TBC1D3: variants seen among roughly 807,000 people sequenced by gnomAD.
The protein encoded by TBC1D3 is Rab GTPase-activating protein PRC17.
intron 1 of TBC1D3, among the ~76,000 whole-genome samples, chr17:38,191,790 G>A (rs2036240690): frequency 4.3e-5 from 1 of 23,466 alleles, no homozygotes; most frequent in Non-Finnish European, 4.3e-4. Flanking sequence ...AAAGGAGGGC[G>A]AGGCCTCAAG....
At chr17:38,183,823 TG>T (rs1438268008) in intron 12 of TBC1D3, 147 bp from the exon 13 acceptor site, 1 of 370,932 alleles carries the variant, frequency 2.7e-6, no homozygotes, top group Non-Finnish European at 4.8e-6. Flanking sequence ...AGACTGTGGC[TG>T]GGGGGCGATC....
chr17:38,191,919 GCCCAAGGGCAGCAGGCTC>G (rs1374806223), intron 1 of TBC1D3, among the ~76,000 whole-genome samples: 1,829 of 35,326 alleles, frequency 0.052, 25 homozygotes, highest in Middle Eastern at 0.15. Flanking sequence ...TTCCACAGCT[GCCCAAGGGCAGCAGGCTC>G]CCCCGGACAA....
chr17:38,191,740 A>G (rs1295982293), intron 1 of TBC1D3, among the ~76,000 whole-genome samples: 28 of 17,252 alleles, frequency 1.6e-3, no homozygotes, highest in African/African-American at 2.0e-3. Context: ...GTCCTGGAGA[A>G]CAGCTGGATG....
chr17:38,186,786 C>T (rs1237415203), intron 7 of TBC1D3, among the ~76,000 whole-genome samples: 2 of 35,696 alleles, frequency 5.6e-5, no homozygotes, highest in African/African-American at 1.6e-4. Flanking sequence ...TGTACAGTGA[C>T]TTGCCTGATC....
chr17:38,183,832 AT>A (rs2036217439), intron 12 of TBC1D3, among the ~76,000 whole-genome samples, 156 bp from the exon 13 acceptor site: 7 of 20,464 alleles, frequency 3.4e-4, no homozygotes, highest in African/African-American at 5.8e-4. Flanking sequence ...CTGGGGGGCG[AT>A]CCGGACAGGG....
intron 7 of TBC1D3, among the ~76,000 whole-genome samples, chr17:38,186,781 A>G (rs2036227790): frequency 2.9e-5 from 1 of 34,812 alleles, no homozygotes; most frequent in African/African-American, 8.0e-5. Context: ...CCAGTTGTAC[A>G]GTGACTTGCC....
Position 38,191,987 on chromosome 17 carries a change from G to C in TBC1D3, c.-2+458C>G, listed in dbSNP as rs1457696865. ...TCAGTGGGGCCCACAGCGACCATCA[G>C]GACCCAGCTTAGGGCACAGAGGTGT... On this transcript the variant is annotated intron_variant, in intron 1 of 13. Transcript: ENST00000620215. Among the ~76,000 whole-genome samples the C allele has an allele frequency of 1.3e-3, 82 of 61,970 alleles. 6 individuals carry two copies. Among genetic ancestry groups the C allele is most frequent in the African/African-American group, 2.3e-3 (76 of 32,782 alleles). 40.7% of individuals were successfully genotyped at this position (61,970 alleles called of 152,430 possible).
Position 38,192,077 on chromosome 17 carries a change from T to C in TBC1D3, c.-2+368A>G, listed in dbSNP as rs1439696101. ...AGGACCAGGCTCTGCCCCATCGGGA[T>C]GGGAAACCTGGGCAGATTTGGGATC... On this transcript the variant is annotated intron_variant, in intron 1 of 13. Transcript: ENST00000620215. Among the ~76,000 whole-genome samples the C allele has an allele frequency of 2.0e-4, 13 of 64,402 alleles. 5 individuals are homozygous for C. Among genetic ancestry groups the C allele is most frequent in the Non-Finnish European group, 8.1e-4 (13 of 16,020 alleles). The allele number at this position is 64,402 out of a possible 152,430, so 42.3% of individuals were successfully genotyped here. A position where few individuals can be genotyped will look rare whatever the true frequency, so the allele number is the denominator to read the frequency against.
chr17:38,192,099 G>T (rs1255859407), intron 1 of TBC1D3, among the ~76,000 whole-genome samples: 3 of 59,948 alleles, frequency 5.0e-5, no homozygotes, highest in African/African-American at 9.3e-5. Context: ...GCAGATTTGG[G>T]ATCTAGGGCA....
intron 1 of TBC1D3, among the ~76,000 whole-genome samples, chr17:38,191,755 G>A (rs1390882573): frequency 3.6e-4 from 7 of 19,390 alleles, no homozygotes; most frequent in African/African-American, 4.5e-4. Context: ...TGGATGGACC[G>A]TCCCTCCTGG....
chr17:38,192,093 A>C (rs1190154535), intron 1 of TBC1D3, among the ~76,000 whole-genome samples: 6 of 61,782 alleles, frequency 9.7e-5, no homozygotes, highest in Admixed American at 1.9e-4. Context: ...ACCTGGGCAG[A>C]TTTGGGATCT....
In TBC1D3 at chr17:38,191,978, C is replaced by T. The variant is rs1467831625; in HGVS notation, c.-2+467G>A. Among the ~76,000 whole-genome samples, 145 of 59,990 alleles carry T rather than the reference C, an allele frequency of 2.4e-3. 24 individuals are homozygous for T. The highest frequency in any genetic ancestry group is 4.3e-3 in the African/African-American group (139 of 32,212). The allele number at this position is 59,990 out of a possible 152,430, so 39.4% of individuals were successfully genotyped here. ...CATGTGTGTTCAGTGGGGCCCACAG[C>T]GACCATCAGGACCCAGCTTAGGGCA... On this transcript the variant is annotated intron_variant, in intron 1 of 13. Transcript: ENST00000620215.
chr17:38,186,917 A>G lies in TBC1D3; in HGVS notation c.498-337T>C, dbSNP rs1487140235. On this transcript the variant is annotated intron_variant, in intron 7 of 13. Transcript: ENST00000620215. The stretch of plus-strand genomic sequence containing the variant: ...TGCAGAGTCTCCCGGCCACCGCTCC[A>G]GCCCCTCCTGGGGCGACTCCTTCAT... Among the ~76,000 whole-genome samples, 56 of 19,284 alleles carry G rather than the reference A, an allele frequency of 2.9e-3. 3 individuals carry two copies. The highest frequency in any genetic ancestry group is 6.1e-3 in the African/African-American group (50 of 8,188). 12.7% of individuals were successfully genotyped at this position (19,284 alleles called of 152,430 possible).
At chr17:38,186,801 T>C (rs1262819885) in intron 7 of TBC1D3, among the ~76,000 whole-genome samples, 7 of 37,922 alleles carry the variant, frequency 1.8e-4, no homozygotes, top group Admixed American at 3.9e-4. Context: ...CTGATCCTTT[T>C]CACTCTGAAT....
intron 1 of TBC1D3, among the ~76,000 whole-genome samples, chr17:38,191,963 C>T (rs2036241869): frequency 1.8e-5 from 1 of 56,024 alleles, no homozygotes; most frequent in African/African-American, 3.2e-5. Context: ...CATGTGTGTT[C>T]AGTGGGGCCC....
intron 1 of TBC1D3, among the ~76,000 whole-genome samples, chr17:38,191,861 C>G (rs1276669867): frequency 1.8e-3 from 49 of 27,592 alleles, no homozygotes; most frequent in African/African-American, 2.3e-3. Context: ...CCTTTGAACA[C>G]AAGGGAAGAT....
chr17:38,191,980 A>T (rs1252704299), intron 1 of TBC1D3, among the ~76,000 whole-genome samples: 1 of 60,322 alleles, frequency 1.7e-5, no homozygotes. Context: ...GCCCACAGCG[A>T]CCATCAGGAC....
Sources: gnomAD v4.1 joint callset for allele counts (sites outside exome capture counted in the v4.1 genomes callset) on GRCh38, gnomAD v4.1.1 for gene constraint, MANE v1.5 for transcripts, NCBI Gene and HGNC (gene_info 2026-07-23, HGNC 2026-07-21) for gene names.